The following GLG1 variants were observed in gnomAD, a reference collection of about 807,000 sequenced individuals.
GLG1 encodes golgi glycoprotein 1.
Under a neutral mutation model 160.5 loss-of-function variants are expected in GLG1, and 38 were observed. The ratio of observed to expected loss-of-function variants is 0.24; its 90% confidence interval spans 0.18 to 0.31. The LOEUF is 0.31. GLG1 is among the 10% of genes least tolerant of loss of function. The probability of loss-of-function intolerance (pLI) is 1.00; values close to 1 mark genes in which losing one functional copy is unlikely to be tolerated. For missense variants in GLG1, 1,373 were observed against 1,505.2 expected (o/e 0.91, Z 1.45); for synonymous variants, 644 against 543.4 (o/e 1.19, Z -2.57).
Position 74,452,539 on chromosome 16 carries a change from G to T in GLG1, c.*628C>A. 9.9e-7 allele frequency: 1 copy of T among 1,013,132 alleles called. No individual in the cohort carries two copies. Among genetic ancestry groups the T allele is most frequent in the South Asian group, 4.2e-5 (1 of 23,962 alleles). The allele number at this position is 1,013,132 out of a possible 1,614,324, so 62.8% of individuals were successfully genotyped here. On this transcript the variant is annotated 3_prime_UTR_variant, in exon 26 of 26. Coordinates refer to ENST00000422840, the MANE Select transcript of GLG1 (RefSeq NM_001145667.2). Reference sequence around the variant, plus strand: ...GGCTGATTAGGGTGGAAACTGGAAAGCGTCACTGTCTCAGCAGAAGAAAGC... The same window carrying T: ...GGCTGATTAGGGTGGAAACTGGAAATCGTCACTGTCTCAGCAGAAGAAAGC...
chr16:74,474,414 A>G (rs2015325783), intron 13 of GLG1, 132 bp downstream of exon 13: 1 of 655,138 alleles, frequency 1.5e-6, no homozygotes, highest in Admixed American at 2.6e-5. Flanking sequence ...CAAACATGGA[A>G]AATTTGATCA....
At chr16:74,580,286 C>T (rs891097913) in intron 1 of GLG1, among the ~76,000 whole-genome samples, 33 of 152,012 alleles carry the variant, frequency 2.2e-4, no homozygotes, top group African/African-American at 6.5e-4. Context: ...GAGTTTGAGA[C>T]CAGCCTGAGC....
rs541270305 is a variant in GLG1 at position 74,572,763 on chromosome 16, C to T, written c.438+33894G>A. Among the ~76,000 whole-genome samples the T allele has an allele frequency of 4.9e-4, 74 of 151,952 alleles. 1 individual carries two copies. In the South Asian group the frequency reaches 0.011, roughly 23 times the overall value. The stretch of plus-strand genomic sequence containing the variant: ...CCTTGAGTTCTGTGACCTGCTCTAG[C>T]AAATTCACTGAACCCAAGGATAGTG... On this transcript the variant is annotated intron_variant, in intron 1 of 25. Coordinates refer to ENST00000422840, the MANE Select transcript of GLG1 (RefSeq NM_001145667.2).
At chr16:74,470,178 C>T (rs2015145896) in intron 15 of GLG1, 105 bp from the exon 16 acceptor site, 1 of 744,708 alleles carries the variant, frequency 1.3e-6, no homozygotes, top group African/African-American at 1.7e-5. Flanking sequence ...TTTACAAGAC[C>T]CTGCATGGCT....
At chr16:74,595,853 G>C (rs1958287726) in intron 1 of GLG1, among the ~76,000 whole-genome samples, 1 of 152,178 alleles carries the variant, frequency 6.6e-6, no homozygotes, top group Non-Finnish European at 1.5e-5. Flanking sequence ...GCCAGGTACA[G>C]TGGCTCACGC....
intron 2 of GLG1, among the ~76,000 whole-genome samples, chr16:74,527,997 G>A (rs535928849): frequency 1.3e-5 from 2 of 149,120 alleles, no homozygotes; most frequent in South Asian, 4.3e-4. Context: ...CCATTCTCCT[G>A]CCTCAGCCTC....
At chr16:74,558,746 G>A (rs748588566) in intron 1 of GLG1, among the ~76,000 whole-genome samples, 25 of 152,204 alleles carry the variant, frequency 1.6e-4, no homozygotes, top group Admixed American at 5.9e-4. Context: ...GAGTTTCATG[G>A]TGGATTAGAA....
At chr16:74,606,555 A>G in intron 1 of GLG1, 102 bp downstream of exon 1, 1 of 960,478 alleles carries the variant, frequency 1.0e-6, no homozygotes, top group Non-Finnish European at 1.6e-6. Flanking sequence ...AGCACAGAGG[A>G]AGCAAGGAAA....
intron 10 of GLG1, among the ~76,000 whole-genome samples, chr16:74,482,707 G>A (rs532118080): frequency 1.1e-4 from 17 of 152,142 alleles, no homozygotes; most frequent in Non-Finnish European, 2.1e-4. Flanking sequence ...CATATCTGAA[G>A]GCGCTTTTGC....
chr16:74,543,861 C>A (rs1297994007), intron 1 of GLG1, among the ~76,000 whole-genome samples: 1 of 152,064 alleles, frequency 6.6e-6, no homozygotes, highest in Non-Finnish European at 1.5e-5. Flanking sequence ...CACCACACGA[C>A]CTGAACAAAT....
intron 10 of GLG1, 125 bp from the exon 11 acceptor site, chr16:74,480,519 C>T (rs1169334523): frequency 8.4e-6 from 5 of 595,970 alleles, no homozygotes; most frequent in African/African-American, 3.8e-5. Context: ...GGCGTGGAGA[C>T]AGAAGATATG....
chr16:74,558,640 C>A (rs1010360616), intron 1 of GLG1, among the ~76,000 whole-genome samples: 3 of 152,186 alleles, frequency 2.0e-5, no homozygotes, highest in Admixed American at 2.0e-4. Flanking sequence ...GTGAAGAAAT[C>A]TCCAATTTTA....
chr16:74,543,386 A>C (rs878979157), intron 1 of GLG1, among the ~76,000 whole-genome samples: 1 of 142,260 alleles, frequency 7.0e-6, no homozygotes, highest in Non-Finnish European at 1.6e-5. Context: ...CAGCTTTCTT[A>C]AGACCAGGAG....
chr16:74,479,074 AAAAAG>A, intron 11 of GLG1, among the ~76,000 whole-genome samples: 1 of 134,692 alleles, frequency 7.4e-6, no homozygotes, highest in Non-Finnish European at 1.6e-5. Flanking sequence ...AAAAAAAAAA[AAAAAG>A]CCAGGCATGA....
rs1049972943 is a variant in GLG1, at chr16:74,463,119, T to C, written c.2791+237A>G. On this transcript the variant is annotated intron_variant, in intron 20 of 25. Transcript: ENST00000422840. ...TTCTTTCCAAGGACTGCCGGCCTGA[T>C]TCCTTCTGAACGTTCTTTTAGGGCA... 1.3e-5 allele frequency: 7 copies of C among 531,988 alleles called. No individual in the cohort carries two copies. In the African/African-American group the frequency reaches 1.3e-4, roughly 10 times the overall value. 33.0% of individuals were successfully genotyped at this position (531,988 alleles called of 1,614,324 possible).
At chr16:74,606,409 G>A (rs548948365) in intron 1 of GLG1, among the ~76,000 whole-genome samples, 3 of 152,182 alleles carry the variant, frequency 2.0e-5, no homozygotes, top group Non-Finnish European at 4.4e-5. Context: ...GCGGATTGCG[G>A]CCAGGAGCCC....
intron 13 of GLG1, 72 bp downstream of exon 13, chr16:74,474,474 G>C: frequency 2.5e-6 from 2 of 802,842 alleles, no homozygotes; most frequent in East Asian, 4.8e-5. Flanking sequence ...TCTAGAAACA[G>C]TAGAATCAAA....
At chr16:74,526,092 A>T (rs2017324207) in intron 2 of GLG1, among the ~76,000 whole-genome samples, 1 of 152,262 alleles carries the variant, frequency 6.6e-6, no homozygotes, top group Non-Finnish European at 1.5e-5. Flanking sequence ...TCCGAGAGAG[A>T]AGTATCAATT....
intron 19 of GLG1, among the ~76,000 whole-genome samples, chr16:74,464,688 CAT>C (rs1491295822): frequency 2.6e-5 from 4 of 152,168 alleles, no homozygotes; most frequent in Non-Finnish European, 5.9e-5. Flanking sequence ...TCCATTTTTA[CAT>C]ATGACTCAAT....
Sources: allele counts gnomAD v4.1 joint callset (sites outside exome capture counted in the v4.1 genomes callset), GRCh38; gene constraint gnomAD v4.1.1; transcripts MANE v1.5; gene names NCBI Gene and HGNC (gene_info 2026-07-23, HGNC 2026-07-21).